COL12A1: variants seen among roughly 807,000 people sequenced by gnomAD.
COL12A1 encodes collagen alpha-1(XII) chain.
COL12A1 carries 114 observed loss-of-function variants against 349.7 expected under a neutral mutation model. The ratio of observed to expected loss-of-function variants is 0.33; its 90% CI spans 0.28 to 0.38. The LOEUF is 0.38. Ranked by LOEUF, COL12A1 falls within the 10% of genes least tolerant of loss-of-function variation. The pLI is 1.00. For synonymous variants in COL12A1, 1,369 were observed against 1,329.0 expected, an observed-to-expected ratio of 1.03 and a Z score of -0.66; for missense variants, 3,284 against 3,756.9, an observed-to-expected ratio of 0.87 and a Z score of 3.29.
At chr6:75,087,338 G>A (rs1486456076) in intron 65 of COL12A1, 3 of 464,454 alleles carry the variant, frequency 6.5e-6, no homozygotes, top group African/African-American at 2.0e-5. Flanking sequence ...GTAAGGGGAG[G>A]TTTATGATGT....
At chr6:75,129,225 A>G (rs1381718878) in intron 37 of COL12A1, among the ~76,000 whole-genome samples, 2 of 152,212 alleles carry the variant, frequency 1.3e-5, no homozygotes, top group Non-Finnish European at 2.9e-5. Context: ...TTGATCAGAA[A>G]CTATAAATGG....
chr6:75,108,504 G>A (rs1768675828), intron 52 of COL12A1, among the ~76,000 whole-genome samples: 1 of 152,184 alleles, frequency 6.6e-6, no homozygotes, highest in African/African-American at 2.4e-5. Context: ...TCAAACCTGA[G>A]ATAGTGAAAG....
intron 26 of COL12A1, 75 bp from the exon 27 acceptor site, chr6:75,142,236 C>T: frequency 6.5e-7 from 1 of 1,529,800 alleles, no homozygotes; most frequent in South Asian, 1.1e-5. Flanking sequence ...GTTTACTGTA[C>T]CTGTCAGCGT....
In COL12A1 at chr6:75,134,807, G is replaced by A. The variant is rs1441689092; in HGVS notation, c.5443C>T (p.Pro1815Ser). The part of the protein sequence containing the change: ...QNSVVLQKLK[P>S]DTPYTITVSS... ...ACGGTGATAGTGTAAGGAGTGTCTG[G>A]CTTCAGTTTCTGCAGGACCACACTG... The change falls in exon 32 of 66, where the codon CCA becomes TCA. Residue 1815 changes from proline (P) to serine (S), a missense_variant. Physicochemically the swap from Pro to Ser is moderately conservative, Grantham distance 74 (BLOSUM62 -1). Around this residue, in one of 2 missense-constraint regions of COL12A1, gnomAD observed 2,601 missense variants for 2,824.8 expected, o/e 0.92. Coordinates refer to ENST00000322507, the MANE Select transcript of COL12A1 (RefSeq NM_004370.6). 1.9e-6 allele frequency: 3 copies of A among 1,613,230 alleles called. No homozygotes were observed. The highest frequency in any genetic ancestry group is 2.5e-6 in the Non-Finnish European group (3 of 1,179,462).
chr6:75,102,816 G>C (rs1275938346), intron 55 of COL12A1, 124 bp from the exon 56 acceptor site: 1 of 479,184 alleles, frequency 2.1e-6, no homozygotes, highest in Non-Finnish European at 3.5e-6. Flanking sequence ...AAACTTTTAA[G>C]AATCTACATC....
rs35551395 is a variant in COL12A1 at position 75,119,098 on chromosome 6, C to T, written c.7299G>A (p.Thr2433=). The T allele has an allele frequency of 3.7e-5, 59 of 1,613,826 alleles. No individual in the cohort carries two copies. Among genetic ancestry groups the T allele is most frequent in the Non-Finnish European group, 4.5e-5 (53 of 1,179,892 alleles). The change falls in exon 46 of 66, where the codon ACG becomes ACA. Residue 2433 remains threonine, a synonymous_variant. Coordinates refer to ENST00000322507, the MANE Select transcript of COL12A1 (RefSeq NM_004370.6). Reference sequence around the variant, plus strand: ...TGACCTCATCCTGGGACCGACCGTCCGTGACCACAACCAACACCTTAGGGA... The same window carrying T: ...TGACCTCATCCTGGGACCGACCGTCTGTGACCACAACCAACACCTTAGGGA... ...KNVPKVLVVV[T]DGRSQDEVKK...
intron 11 of COL12A1, among the ~76,000 whole-genome samples, chr6:75,180,290 G>C (rs781538827): frequency 9.2e-5 from 14 of 152,200 alleles, no homozygotes; most frequent in Non-Finnish European, 1.9e-4. Context: ...TCTCAAGTGA[G>C]GTAGTTAGAG....
chr6:75,182,131 G>A (rs1769344009), intron 10 of COL12A1, among the ~76,000 whole-genome samples: 2 of 151,518 alleles, frequency 1.3e-5, no homozygotes. Flanking sequence ...ACAGTACATA[G>A]GAAAGCCAAC....
At chr6:75,194,589 G>A (rs1375638566) in intron 3 of COL12A1, among the ~76,000 whole-genome samples, 1 of 152,096 alleles carries the variant, frequency 6.6e-6, no homozygotes, top group Non-Finnish European at 1.5e-5. Flanking sequence ...TAAAAATAGA[G>A]TCAATTTTTA....
In COL12A1 at chr6:75,181,057, C is replaced by G. The variant is rs1039108581; in HGVS notation, c.2046G>C (p.Ser682=). The G allele has an allele frequency of 4.3e-6, 7 of 1,613,854 alleles. No homozygotes were observed. In the African/African-American group the frequency reaches 9.3e-5, roughly 22 times the overall value. The change falls in exon 11 of 66, where the codon TCG becomes TCC. Residue 682 remains serine (S), a synonymous_variant. Coordinates refer to ENST00000322507, the MANE Select transcript of COL12A1 (RefSeq NM_004370.6). ...DDEVTVVEPA[S]STSVVLSSLK... is the part of the protein sequence containing the mutation. Reference sequence around the variant, plus strand: ...GGCTGCTGAGAACAACACTGGTGCTCGATGCTGGCTCCACCACAGTGACCT... The same window carrying G: ...GGCTGCTGAGAACAACACTGGTGCTGGATGCTGGCTCCACCACAGTGACCT...
intron 38 of COL12A1, among the ~76,000 whole-genome samples, chr6:75,127,707 A>G (rs1002588603): frequency 3.9e-5 from 6 of 152,188 alleles, no homozygotes; most frequent in Non-Finnish European, 1.5e-5. Context: ...AAAGCTCCTC[A>G]GGTGACTGTA....
intron 14 of COL12A1, among the ~76,000 whole-genome samples, chr6:75,158,091 A>T (rs1309919062): frequency 6.6e-6 from 1 of 152,170 alleles, no homozygotes; most frequent in Non-Finnish European, 1.5e-5. Context: ...ACATCTAATA[A>T]AAGTTACAAG....
Position 75,137,449 on chromosome 6 carries a change from G to T in COL12A1, c.5382C>A (p.Gly1794=). ...RITYQPSTGE[G]NEQTTTIGGR... ...ATTAAAAAATTACCGTTTGCTCATT[G>T]CCTTCCCCTGTGGAAGGCTGATAAG... The change falls in exon 31 of 66, where the codon GGC becomes GGA. Residue 1794 remains glycine, a synonymous_variant. Transcript: ENST00000322507. The T allele has an allele frequency of 6.2e-7, 1 of 1,603,506 alleles. No homozygotes were observed. Among genetic ancestry groups the T allele is most frequent in the Non-Finnish European group, 8.5e-7 (1 of 1,176,804 alleles).
chr6:75,137,993 TG>T (rs1766707722), intron 30 of COL12A1, among the ~76,000 whole-genome samples: 1 of 151,846 alleles, frequency 6.6e-6, no homozygotes, highest in South Asian at 2.1e-4. Flanking sequence ...AGCTATAAGC[TG>T]GGAGGAAAGC....
At chr6:75,188,005 C>T (rs896097324) in intron 8 of COL12A1, among the ~76,000 whole-genome samples, 1 of 152,002 alleles carries the variant, frequency 6.6e-6, no homozygotes, top group Non-Finnish European at 1.5e-5. Context: ...CTTTCCAGCC[C>T]ATCAATGTTT....
intron 42 of COL12A1, 50 bp from the exon 43 acceptor site, chr6:75,123,454 T>C: frequency 7.2e-7 from 1 of 1,396,590 alleles, no homozygotes; most frequent in Non-Finnish European, 9.8e-7. Flanking sequence ...GCACATTTGA[T>C]ATCCCAGAAA....
Position 75,146,233 on chromosome 6 carries a change from C to T in COL12A1, c.4429G>A (p.Val1477Ile), listed in dbSNP as rs1767188215. The stretch of plus-strand genomic sequence containing the variant: ...ACATCATAAATATTCAGGCTGACTA[C>T]AGGCACTGGCACTTCCAAAACAGAA... ...KGTEKTLPVP[V>I]VSLNIYDVGP... Residue 1477 changes from valine (V) to isoleucine (I), a missense_variant, in exon 24 of 66, where the codon GTA (valine) becomes ATA (isoleucine). By Grantham distance (29) the Val-to-Ile change is conservative. Transcript: ENST00000322507. The T allele has an allele frequency of 6.3e-7, 1 of 1,599,988 alleles. No individual in the cohort carries two copies. Among genetic ancestry groups the T allele is most frequent in the Non-Finnish European group, 8.5e-7 (1 of 1,175,282 alleles).
rs61544138 is a variant in COL12A1, at chr6:75,102,141, C to T, written c.8416-89G>A. The T allele has an allele frequency of 0.01, 13,123 of 1,262,758 alleles. 995 individuals are homozygous for T. In the African/African-American group the frequency reaches 0.17, roughly 16 times the overall value. 78.2% of individuals were successfully genotyped at this position (1,262,758 alleles called of 1,614,324 possible). A position where few individuals can be genotyped will look rare whatever the true frequency, so the allele number is the denominator to read the frequency against. On this transcript the variant is annotated intron_variant, in intron 56 of 65. Transcript: ENST00000322507. ...CATGAGTCACTTATGAAATCTTCAT[C>T]ACTTCATAAATCCAGTGTAAGCGTT...
Position 75,125,197 on chromosome 6 carries a change from G to A in COL12A1, c.6537C>T (p.Thr2179=). ...ATTGAGCATAAACATTCACATCGTA[G>A]GTGGTGCTGGGATTGAGATTGTGTA... ...YTLHNLNPST[T]YDVNVYAQYD... The change falls in exon 40 of 66, where the codon ACC becomes ACT. Residue 2179 remains threonine, a synonymous_variant. Transcript: ENST00000322507. The A allele has an allele frequency of 1.2e-6, 2 of 1,612,344 alleles. No homozygotes were observed. Among genetic ancestry groups the A allele is most frequent in the Non-Finnish European group, 1.7e-6 (2 of 1,178,970 alleles).
Sources: gnomAD v4.1 joint callset for allele counts (sites outside exome capture counted in the v4.1 genomes callset) on GRCh38, gnomAD v4.1.1 for gene constraint, gnomAD v4.1.1 regional missense constraint, MANE v1.5 for transcripts, NCBI Gene and HGNC (gene_info 2026-07-23, HGNC 2026-07-21) for gene names.